DYNC1I1: variants seen among roughly 807,000 people sequenced by gnomAD.
DYNC1I1 encodes dynein cytoplasmic 1 intermediate chain 1.
DYNC1I1 carries 43 observed loss-of-function variants against 86.6 expected under a neutral mutation model. The observed-to-expected ratio is 0.50, with a 90% CI of 0.39 to 0.64. The LOEUF (loss-of-function observed/expected upper bound fraction) is 0.64, where lower values mean the gene tolerates loss of function less well. Among genes scored for constraint, DYNC1I1 ranks in the 30% least tolerant of loss-of-function variants. The probability of loss-of-function intolerance (pLI) is 0.00; values close to 1 mark genes in which losing one functional copy is unlikely to be tolerated. For synonymous variants in DYNC1I1, 262 were observed against 283.7 expected, an observed-to-expected ratio of 0.92 and a Z score of 0.77; for missense variants, 604 against 788.8, an observed-to-expected ratio of 0.77 and a Z score of 2.81.
intron 14 of DYNC1I1, among the ~76,000 whole-genome samples, chr7:96,062,374 T>A (rs956032037): frequency 1.3e-5 from 2 of 152,112 alleles, no homozygotes; most frequent in Non-Finnish European, 2.9e-5. Flanking sequence ...TTATGGGGAG[T>A]TTTGTTAACA....
intron 4 of DYNC1I1, chr7:95,818,902 A>G (rs1795011001): frequency 5.9e-6 from 1 of 169,210 alleles, no homozygotes; most frequent in African/African-American, 2.4e-5. Flanking sequence ...CACCTTATCT[A>G]GTATCTACAC....
At chr7:96,019,484 A>G (rs529240460) in intron 10 of DYNC1I1, among the ~76,000 whole-genome samples, 1 of 152,100 alleles carries the variant, frequency 6.6e-6, no homozygotes, top group Non-Finnish European at 1.5e-5. Flanking sequence ...AGAAATTCTG[A>G]CTAAATTGGT....
At chr7:95,934,546 T>G (rs1791988473) in intron 6 of DYNC1I1, among the ~76,000 whole-genome samples, 1 of 152,070 alleles carries the variant, frequency 6.6e-6, no homozygotes, top group South Asian at 2.1e-4. Context: ...TCATAGACAC[T>G]GTTAGTTTGT....
intron 7 of DYNC1I1, 130 bp downstream of exon 7, chr7:95,977,731 G>A (rs1306048696): frequency 2.9e-6 from 2 of 682,166 alleles, no homozygotes; most frequent in Non-Finnish European, 4.6e-6. Context: ...TTCTATGATT[G>A]TTCAATACAT....
intron 6 of DYNC1I1, among the ~76,000 whole-genome samples, chr7:95,967,088 A>G (rs1793035023): frequency 3.9e-5 from 6 of 152,200 alleles, no homozygotes; most frequent in Admixed American, 3.9e-4. Context: ...CTAGACACCC[A>G]CATTGGGGCA....
rs546893361 is a variant in DYNC1I1 at position 95,891,925 on chromosome 7, C to T, written c.490+21927C>T. The stretch of plus-strand genomic sequence containing the variant: ...CCTATAGTGGTTATTGTCCCCTACA[C>T]AGTACATGTTAGTTGTAAGTTCTGG... On this transcript the variant is annotated intron_variant, in intron 6 of 16. Coordinates refer to ENST00000447467, the MANE Select transcript of DYNC1I1 (RefSeq NM_001135556.2). 3.9e-4 allele frequency among the ~76,000 whole-genome samples: 60 copies of T among 151,988 alleles called. 1 individual carries two copies. Among genetic ancestry groups the T allele is most frequent in the African/African-American group, 1.4e-3 (57 of 41,460 alleles).
intron 6 of DYNC1I1, among the ~76,000 whole-genome samples, chr7:95,954,915 CA>C (rs58435060): frequency 0.18 from 14,930 of 81,098 alleles, 664 homozygotes; most frequent in Non-Finnish European, 0.22. Flanking sequence ...GACTCTGTCT[CA>C]AAAAAAAAAA....
chr7:96,094,052 A>C (rs1256270655), intron 16 of DYNC1I1, among the ~76,000 whole-genome samples: 1 of 152,170 alleles, frequency 6.6e-6, no homozygotes, highest in Non-Finnish European at 1.5e-5. Context: ...AGGAAGGTAA[A>C]TTTTAGGCTA....
At chr7:95,859,669 T>G (rs1789823451) in intron 5 of DYNC1I1, among the ~76,000 whole-genome samples, 1 of 152,240 alleles carries the variant, frequency 6.6e-6, no homozygotes, top group Non-Finnish European at 1.5e-5. Context: ...GAGAGCTGTC[T>G]GGAATCTGAG....
intron 16 of DYNC1I1, among the ~76,000 whole-genome samples, chr7:96,087,387 C>T (rs1328658355): frequency 2.6e-5 from 4 of 152,128 alleles, no homozygotes; most frequent in South Asian, 4.1e-4. Flanking sequence ...TTGCATGGCT[C>T]GGTTTTTGCA....
downstream of DYNC1I1, among the ~76,000 whole-genome samples, chr7:96,100,062 A>G (rs1446461037): frequency 6.6e-6 from 1 of 152,150 alleles, no homozygotes; most frequent in Non-Finnish European, 1.5e-5. Context: ...CAGATTTCCT[A>G]TTGCAGAGAA....
chr7:95,818,456 C>T (rs1397158005), intron 4 of DYNC1I1: 10 of 674,936 alleles, frequency 1.5e-5, no homozygotes, highest in African/African-American at 3.6e-5. Context: ...TGCATACCAC[C>T]ACACCCAGCT....
At chr7:95,809,228 A>G (rs1414519521) in intron 2 of DYNC1I1, among the ~76,000 whole-genome samples, 1 of 152,170 alleles carries the variant, frequency 6.6e-6, no homozygotes, top group Non-Finnish European at 1.5e-5. Flanking sequence ...GTTTATAATC[A>G]GTGTGTAGGT....
At chr7:96,071,537 G>C (rs186675181) in intron 14 of DYNC1I1, among the ~76,000 whole-genome samples, 31 of 152,222 alleles carry the variant, frequency 2.0e-4, no homozygotes, top group Non-Finnish European at 2.8e-4. Context: ...CCCTCACCCA[G>C]AGTCATACAA....
chr7:95,779,567 G>GT (rs1332806426), intron 1 of DYNC1I1, among the ~76,000 whole-genome samples: 1 of 152,170 alleles, frequency 6.6e-6, no homozygotes, highest in Non-Finnish European at 1.5e-5. Context: ...GGTATGCTTT[G>GT]TTTTTTTATA....
At chr7:95,832,108 TCCCTCCCCCCTCC>T (rs1448732789) in intron 5 of DYNC1I1, among the ~76,000 whole-genome samples, 1 of 105,556 alleles carries the variant, frequency 9.5e-6, no homozygotes, top group African/African-American at 3.8e-5. Context: ...CCCAATGCTA[TCCCTCCCCCCTCC>T]CCCCACCCCA....
intron 3 of DYNC1I1, 132 bp downstream of exon 3, chr7:95,810,638 T>C: frequency 1.3e-6 from 1 of 748,738 alleles, no homozygotes; most frequent in Non-Finnish European, 2.0e-6. Context: ...CTGTGGCTTA[T>C]GGTTCAGGTT....
intron 5 of DYNC1I1, among the ~76,000 whole-genome samples, chr7:95,845,034 A>C (rs1477297666): frequency 6.6e-6 from 1 of 152,236 alleles, no homozygotes; most frequent in East Asian, 1.9e-4. Context: ...GGAATGACCA[A>C]GTACAGTTTG....
chr7:96,014,130 T>C (rs145727706), intron 10 of DYNC1I1, among the ~76,000 whole-genome samples: 1 of 152,166 alleles, frequency 6.6e-6, no homozygotes, highest in Non-Finnish European at 1.5e-5. Flanking sequence ...GGAGGACTCA[T>C]CTATAGAACA....
Sources: gnomAD v4.1 joint callset for allele counts (sites outside exome capture counted in the v4.1 genomes callset) on GRCh38, gnomAD v4.1.1 for gene constraint, MANE v1.5 for transcripts, NCBI Gene and HGNC (gene_info 2026-07-23, HGNC 2026-07-21) for gene names.